Variants in CCDC47 observed in about 807,000 individuals in gnomAD.
CCDC47 encodes PAT complex subunit CCDC47.
CCDC47 carries 41 observed loss-of-function variants against 60.5 expected under a neutral mutation model. That is an observed-to-expected ratio of 0.68 (90% confidence interval 0.53 to 0.88). The LOEUF (loss-of-function observed/expected upper bound fraction) is 0.88. Ranked by LOEUF, CCDC47 falls within the 40% of genes least tolerant of loss-of-function variation. CCDC47 has a pLI of 0.00. For synonymous variants in CCDC47, 195 were observed against 190.7 expected (o/e 1.02, Z -0.18); for missense variants, 513 against 580.9 (o/e 0.88, Z 1.20).
At chr17:63,763,221 C>A (rs1213598386) in intron 4 of CCDC47, among the ~76,000 whole-genome samples, 1 of 152,118 alleles carries the variant, frequency 6.6e-6, no homozygotes, top group African/African-American at 2.4e-5. Flanking sequence ...CCGCACCGGG[C>A]CAAAAAACAG....
intron 5 of CCDC47, 33 bp downstream of exon 5, chr17:63,761,197 A>C: frequency 6.2e-7 from 1 of 1,612,988 alleles, no homozygotes; most frequent in Non-Finnish European, 8.5e-7. Flanking sequence ...AATTAAGGGA[A>C]GATATATATC....
At chr17:63,752,159 A>G (rs760865392) in intron 11 of CCDC47, 52 bp from the exon 12 acceptor site, 2 of 1,588,122 alleles carry the variant, frequency 1.3e-6, no homozygotes, top group Non-Finnish European at 1.7e-6. Flanking sequence ...AGTCAACAGC[A>G]ACAAAATCCC....
At position 63,756,455 on chromosome 17, in the gene CCDC47, G is replaced by A; in HGVS notation, c.837+14C>T. ...CAGTTCTACGTATATTTGAGTTGGAGCAACCTGACATACCAAATCCTGCAT... is the reference window on the plus strand; with the variant it reads ...CAGTTCTACGTATATTTGAGTTGGAACAACCTGACATACCAAATCCTGCAT... On this transcript the variant is annotated intron_variant, in intron 7 of 12. Transcript: ENST00000225726. 6.2e-7 allele frequency: 1 copy of A among 1,608,862 alleles called. No individual in the cohort carries two copies. The highest frequency in any genetic ancestry group is 1.1e-5 in the South Asian group (1 of 90,986).
At chr17:63,762,496 T>C (rs1396797383) in intron 4 of CCDC47, among the ~76,000 whole-genome samples, 1 of 152,140 alleles carries the variant, frequency 6.6e-6, no homozygotes. Flanking sequence ...TTACAAAAAG[T>C]AAATAAGAAA....
Position 63,761,345 on chromosome 17 carries a change from T to C in CCDC47, c.554A>G (p.Asp185Gly). The part of the protein sequence containing the change: ...LESNFTLVGD[D>G]GTNKEATSTG... ...GCTTGTGGCTTCTTTGTTAGTTCCA[T>C]CATCCCCTAGGGGTAAAACCACTTA... Residue 185 changes from aspartate to glycine, a missense_variant, in exon 5 of 13, where the codon GAT becomes GGT. Coordinates refer to ENST00000225726, the MANE Select transcript of CCDC47 (RefSeq NM_020198.3). 6.2e-7 allele frequency: 1 copy of C among 1,613,902 alleles called. No individual in the cohort carries two copies. The highest frequency in any genetic ancestry group is 8.5e-7 in the Non-Finnish European group (1 of 1,179,978).
chr17:63,771,045 G>GAAGGAAGGAAGGAAGGAAGAGAGAAAGA (rs759971442), intron 1 of CCDC47, among the ~76,000 whole-genome samples: 1 of 97,822 alleles, frequency 1.0e-5, no homozygotes, highest in Non-Finnish European at 2.0e-5. Flanking sequence ...AGGAAGGAAG[G>GAAGGAAGGAAGGAAGGAAGAGAGAAAGA]AAGAAAGAAA....
At chr17:63,749,171 C>T (rs1041524688) in intron 12 of CCDC47, among the ~76,000 whole-genome samples, 2 of 151,674 alleles carry the variant, frequency 1.3e-5, no homozygotes, top group African/African-American at 4.8e-5. Flanking sequence ...CTTTGAGAGG[C>T]CGAGGTGGGT....
intron 12 of CCDC47, chr17:63,747,816 G>A (rs2039131895): frequency 2.0e-6 from 2 of 983,674 alleles, no homozygotes; most frequent in African/African-American, 3.5e-5. Flanking sequence ...AGGGTGATTT[G>A]TAAATTCCTG....
At chr17:63,772,126 T>A (rs1359135423) in intron 1 of CCDC47, among the ~76,000 whole-genome samples, 6 of 152,056 alleles carry the variant, frequency 3.9e-5, no homozygotes, top group Non-Finnish European at 8.8e-5. Flanking sequence ...CTCTACCATT[T>A]ACCAGCAATA....
intron 12 of CCDC47, among the ~76,000 whole-genome samples, chr17:63,749,132 C>G (rs974372791): frequency 6.6e-6 from 1 of 151,854 alleles, no homozygotes; most frequent in Non-Finnish European, 1.5e-5. Context: ...AATAGCTGGG[C>G]GTAGTGGCTC....
intron 3 of CCDC47, 71 bp from the exon 4 acceptor site, chr17:63,764,261 G>A: frequency 8.6e-7 from 1 of 1,168,550 alleles, no homozygotes. Flanking sequence ...ATGGCAGGAA[G>A]AATGAGAAAA....
intron 3 of CCDC47, 119 bp from the exon 4 acceptor site, chr17:63,764,309 G>C: frequency 2.7e-6 from 2 of 740,944 alleles, no homozygotes; most frequent in African/African-American, 1.8e-5. Flanking sequence ...ATCTGTCATT[G>C]AATAAGGTTA....
chr17:63,763,035 A>C (rs966340907), intron 4 of CCDC47, among the ~76,000 whole-genome samples: 2 of 152,064 alleles, frequency 1.3e-5, no homozygotes, highest in African/African-American at 4.8e-5. Context: ...CTCCCACCTC[A>C]TCCTCCCAAG....
Position 63,760,983 on chromosome 17 carries a change from A to C in CCDC47, c.670-4T>G. The C allele has an allele frequency of 1.9e-6, 3 of 1,610,424 alleles. No individual in the cohort carries two copies. Among genetic ancestry groups the C allele is most frequent in the Non-Finnish European group, 2.5e-6 (3 of 1,176,988 alleles). On this transcript the variant is annotated splice_region_variant and splice_polypyrimidine_tract_variant and intron_variant, in intron 5 of 12. Transcript: ENST00000225726. ...GTAAGTCTTGTCTCTTGAGGAACTG[A>C]AAAAAATGAGAGAAGTAAGTAAATC...
At chr17:63,750,947 T>C (rs2039158956) in intron 12 of CCDC47, among the ~76,000 whole-genome samples, 1 of 151,268 alleles carries the variant, frequency 6.6e-6, no homozygotes, top group Non-Finnish European at 1.5e-5. Context: ...TGATCATAGC[T>C]CACTGCAGCC....
chr17:63,762,545 A>C (rs987725364), intron 4 of CCDC47, among the ~76,000 whole-genome samples: 1 of 152,200 alleles, frequency 6.6e-6, no homozygotes, highest in East Asian at 1.9e-4. Context: ...TATAAACACT[A>C]CTGTGTTGCA....
At chr17:63,748,717 G>A (rs890984052) in intron 12 of CCDC47, among the ~76,000 whole-genome samples, 7 of 152,186 alleles carry the variant, frequency 4.6e-5, no homozygotes, top group African/African-American at 7.2e-5. Context: ...CACTTGAGAG[G>A]TCAGGAGTTC....
At chr17:63,770,444 C>A (rs1268199214) in intron 1 of CCDC47, among the ~76,000 whole-genome samples, 1 of 151,976 alleles carries the variant, frequency 6.6e-6, no homozygotes, top group Non-Finnish European at 1.5e-5. Context: ...CCCTCAGGGG[C>A]CAGGTCATGA....
At chr17:63,752,635 T>G (rs960928022) in intron 10 of CCDC47, 106 bp downstream of exon 10, 7 of 1,181,750 alleles carry the variant, frequency 5.9e-6, no homozygotes, top group Non-Finnish European at 7.1e-6. Context: ...AGCACAGGCT[T>G]ATAGTTTTGA....
Sources: gnomAD v4.1 joint callset for allele counts (sites outside exome capture counted in the v4.1 genomes callset) on GRCh38, gnomAD v4.1.1 for gene constraint, MANE v1.5 for transcripts, NCBI Gene and HGNC (gene_info 2026-07-23, HGNC 2026-07-21) for gene names.